Variants in NRXN1 observed in about 807,000 individuals in gnomAD.
NRXN1 encodes the protein neurexin 1, also known as neurexin-1.
NRXN1 carries 39 observed loss-of-function variants against 150.9 expected under a neutral mutation model. That is an observed-to-expected ratio of 0.26 (90% CI 0.20 to 0.34). NRXN1 has a LOEUF of 0.34. Ranked by LOEUF, NRXN1 falls within the 10% of genes least tolerant of loss-of-function variation. The probability of loss-of-function intolerance (pLI) is 1.00; values close to 1 mark genes in which losing one functional copy is unlikely to be tolerated. For synonymous variants in NRXN1, 924 were observed against 757.0 expected, an observed-to-expected ratio of 1.22 and a Z score of -3.62; for missense variants, 1,815 against 1,949.9, an observed-to-expected ratio of 0.93 and a Z score of 1.30.
chr2:50,658,590 G>C lies in NRXN1; in HGVS notation c.833-34975C>G, dbSNP rs546826598. Among the ~76,000 whole-genome samples, 3 of 151,838 alleles carry C rather than the reference G, an allele frequency of 2.0e-5. No homozygotes were observed. The South Asian group carries it at 6.3e-4, about 32-fold the overall frequency. On this transcript the variant is annotated intron_variant, in intron 5 of 22. Coordinates refer to ENST00000401669, the MANE Select transcript of NRXN1 (RefSeq NM_001330078.2). ...CCATAATTCAAAAACAGACTCTTTG[G>C]CCGTTCCTTCACATTCCTTTCCCTT...
chr2:49,956,347 G>A (rs1451997942), intron 21 of NRXN1, among the ~76,000 whole-genome samples: 4 of 152,104 alleles, frequency 2.6e-5, no homozygotes, highest in Non-Finnish European at 4.4e-5. Context: ...GATTAGAAAA[G>A]GTATCAATTT....
intron 8 of NRXN1, among the ~76,000 whole-genome samples, chr2:50,563,471 C>T (rs1669412931): frequency 6.6e-6 from 1 of 152,138 alleles, no homozygotes; most frequent in African/African-American, 2.4e-5. Context: ...GGTAGAGTTC[C>T]TTGTAATAAA....
At position 50,184,790 on chromosome 2, in the gene NRXN1, C is replaced by A. The variant is rs115902195; in HGVS notation, c.3546+51999G>T. 8.3e-3 allele frequency among the ~76,000 whole-genome samples: 1,255 copies of A among 152,056 alleles called. 21 individuals carry two copies. Among genetic ancestry groups the A allele is most frequent in the African/African-American group, 0.028 (1,162 of 41,502 alleles). ...ACTTGATAATTGTAGAAATATTTTA[C>A]AAGTATTAACTCCTGATGACCCTAT... On this transcript the variant is annotated intron_variant, in intron 18 of 22. Transcript: ENST00000401669.
intron 2 of NRXN1, among the ~76,000 whole-genome samples, chr2:50,933,326 T>G (rs1688047818): frequency 6.6e-6 from 1 of 152,138 alleles, no homozygotes; most frequent in South Asian, 2.1e-4. Flanking sequence ...TATTATGAAT[T>G]TGCCACATAA....
At chr2:50,813,150 C>A (rs1349542315) in intron 5 of NRXN1, among the ~76,000 whole-genome samples, 1 of 151,514 alleles carries the variant, frequency 6.6e-6, no homozygotes, top group Non-Finnish European at 1.5e-5. Flanking sequence ...GCCATCACTG[C>A]CTCATTGCAA....
chr2:50,780,855 C>A (rs1210350715), intron 5 of NRXN1, among the ~76,000 whole-genome samples: 1 of 152,106 alleles, frequency 6.6e-6, no homozygotes, highest in East Asian at 1.9e-4. Flanking sequence ...CGGTAACCAT[C>A]CTCTGGGTAT....
rs184466414 is a variant in NRXN1 at position 50,203,561 on chromosome 2, G to A, written c.3546+33228C>T. ...CTTTGGATGCTGTCTACTCCACACAGGTATAATCATACATACATTTCTATC... is the reference window on the plus strand; with the variant it reads ...CTTTGGATGCTGTCTACTCCACACAAGTATAATCATACATACATTTCTATC... On this transcript the variant is annotated intron_variant, in intron 18 of 22. Transcript: ENST00000401669. Among the ~76,000 whole-genome samples, 179 of 152,096 alleles carry A rather than the reference G, an allele frequency of 1.2e-3. 1 individual carries two copies. The highest frequency in any genetic ancestry group is 2.0e-3 in the Non-Finnish European group (139 of 67,992).
chr2:50,961,986 A>T (rs529979659), intron 2 of NRXN1, among the ~76,000 whole-genome samples: 2 of 151,714 alleles, frequency 1.3e-5, no homozygotes, highest in East Asian at 1.9e-4. Flanking sequence ...AAGAAGAAAA[A>T]TTTAAATAAA....
intron 5 of NRXN1, among the ~76,000 whole-genome samples, chr2:50,876,817 T>C (rs908030016): frequency 6.6e-6 from 1 of 151,812 alleles, no homozygotes; most frequent in African/African-American, 2.4e-5. Context: ...AAGATAATTA[T>C]TCCCATCTAC....
intron 2 of NRXN1, among the ~76,000 whole-genome samples, chr2:50,995,171 G>A (rs1699076594): frequency 6.6e-6 from 1 of 151,906 alleles, no homozygotes; most frequent in Non-Finnish European, 1.5e-5. Flanking sequence ...GAGACATAAT[G>A]AACTGCCAAG....
intron 5 of NRXN1, among the ~76,000 whole-genome samples, chr2:50,630,413 A>G (rs1455333010): frequency 6.6e-6 from 1 of 151,668 alleles, no homozygotes; most frequent in African/African-American, 2.4e-5. Context: ...TCTCAGGACA[A>G]TGCTCCTTTG....
chr2:50,239,007 T>C (rs1574669501), intron 17 of NRXN1, among the ~76,000 whole-genome samples: 1 of 151,986 alleles, frequency 6.6e-6, no homozygotes, highest in Non-Finnish European at 1.5e-5. Flanking sequence ...CACCAGTCAG[T>C]GCACAAAGAA....
Position 51,020,730 on chromosome 2 carries a change from T to C in NRXN1, c.772+6772A>G, listed in dbSNP as rs1452988899. Among the ~76,000 whole-genome samples, 6 of 151,974 alleles carry C rather than the reference T, an allele frequency of 3.9e-5. 1 individual carries two copies. In the East Asian group the frequency reaches 1.2e-3, roughly 29 times the overall value. On this transcript the variant is annotated intron_variant, in intron 2 of 22. Transcript: ENST00000401669. ...AGAAAATGAAACAGAACATTGATGG[T>C]GTTATTTTACTTTTAACATATATTA...
chr2:50,529,956 T>G (rs1388597920), intron 11 of NRXN1, among the ~76,000 whole-genome samples: 1 of 152,214 alleles, frequency 6.6e-6, no homozygotes, highest in African/African-American at 2.4e-5. Flanking sequence ...TTTTATATTT[T>G]ATGAGTTATC....
At chr2:51,001,047 G>A (rs1449501430) in intron 2 of NRXN1, among the ~76,000 whole-genome samples, 2 of 151,938 alleles carry the variant, frequency 1.3e-5, no homozygotes, top group Non-Finnish European at 2.9e-5. Context: ...AGGAAAGTGT[G>A]GTGAAGGCTA....
At chr2:50,831,499 G>A (rs1428828778) in intron 5 of NRXN1, among the ~76,000 whole-genome samples, 2 of 152,126 alleles carry the variant, frequency 1.3e-5, no homozygotes, top group African/African-American at 4.8e-5. Flanking sequence ...AGTAGAGGGG[G>A]CTTGAGGGGC....
chr2:50,429,840 C>T (rs1451853495), intron 17 of NRXN1, among the ~76,000 whole-genome samples: 14 of 152,152 alleles, frequency 9.2e-5, no homozygotes, highest in Non-Finnish European at 1.9e-4. Context: ...GAGAGAAGCA[C>T]GGTGATCAGA....
At chr2:50,054,738 T>C (rs1693331837) in intron 20 of NRXN1, among the ~76,000 whole-genome samples, 1 of 152,154 alleles carries the variant, frequency 6.6e-6, no homozygotes, top group Non-Finnish European at 1.5e-5. Context: ...TTAAGTTAAC[T>C]GGGTAAGATT....
intron 19 of NRXN1, among the ~76,000 whole-genome samples, chr2:50,089,459 T>A (rs1452779): frequency 0.31 from 47,681 of 152,084 alleles, 8,288 homozygotes; most frequent in African/African-American, 0.44. Flanking sequence ...ACCTTTCTGT[T>A]ATTTTATTAA....
Sources: gnomAD v4.1 joint callset for allele counts (sites outside exome capture counted in the v4.1 genomes callset) on GRCh38, gnomAD v4.1.1 for gene constraint, MANE v1.5 for transcripts, NCBI Gene and HGNC (gene_info 2026-07-23, HGNC 2026-07-21) for gene names.